The following KLHL4 variants were observed in gnomAD, a reference collection of about 807,000 sequenced individuals.
KLHL4 encodes the protein kelch like family member 4.
KLHL4 carries 17 observed loss-of-function variants against 45.8 expected under a neutral mutation model. The ratio of observed to expected loss-of-function variants is 0.37; its 90% CI spans 0.25 to 0.56. KLHL4 has a LOEUF of 0.56. KLHL4 is among the 20% of genes least tolerant of loss of function. The pLI is 0.79. For synonymous variants in KLHL4, 224 were observed against 189.9 expected (o/e 1.18, Z -1.47); for missense variants, 544 against 544.9 (o/e 1.00, Z 0.02).
chrX:87,596,895 T>A (rs1921858064), intron 1 of KLHL4, among the ~76,000 whole-genome samples: 1 of 112,272 alleles, frequency 8.9e-6, no homozygotes, highest in Non-Finnish European at 1.9e-5. Flanking sequence ...ATTTAATATA[T>A]GATTTATCAT....
chrX:87,633,895 G>T lies in KLHL4; in HGVS notation c.1696G>T (p.Val566Phe). The T allele has an allele frequency of 8.3e-7, 1 of 1,205,023 alleles. No individual in the cohort carries two copies. Among genetic ancestry groups the T allele is most frequent in the Non-Finnish European group, 1.1e-6 (1 of 892,661 alleles). ...AACTCCTAGAAGCACAGTTGGTGTT[G>T]TTGCATTAAACAACAAGTGAGTAAG... Reference protein sequence around the residue: ...MSTPRSTVGVVALNNKLYAIG... With the variant: ...MSTPRSTVGVFALNNKLYAIG... Residue 566 changes from valine to phenylalanine, a missense_variant, in exon 8 of 11, where the codon GTT becomes TTT. Physicochemically the swap from Val to Phe is conservative, Grantham distance 50. Coordinates refer to ENST00000373119, the MANE Select transcript of KLHL4 (RefSeq NM_019117.5).
At chrX:87,566,079 T>TTAAAGTAAAA (rs60360851) in intron 1 of KLHL4, among the ~76,000 whole-genome samples, 25,905 of 108,065 alleles carry the variant, frequency 0.24, 2,895 homozygotes, top group East Asian at 0.5. Flanking sequence ...ATCCCAGAAC[T>TTAAAGTAAAA]TAAAGTAAAA....
chrX:87,637,285 G>A (rs558020409), intron 9 of KLHL4, among the ~76,000 whole-genome samples: 2 of 111,728 alleles, frequency 1.8e-5, no homozygotes, highest in South Asian at 7.4e-4. Flanking sequence ...GGAAAGGGGA[G>A]AGCACCACAT....
intron 1 of KLHL4, among the ~76,000 whole-genome samples, chrX:87,555,380 T>G (rs1931946564): frequency 1.8e-5 from 2 of 111,324 alleles, no homozygotes; most frequent in South Asian, 7.6e-4. Context: ...CTATTGATTA[T>G]TGCCACAATT....
intron 9 of KLHL4, among the ~76,000 whole-genome samples, chrX:87,653,380 C>T (rs1602466591): frequency 8.9e-6 from 1 of 111,811 alleles, no homozygotes; most frequent in South Asian, 3.8e-4. Context: ...TGAAAAAAAG[C>T]TCAACATCAC....
At chrX:87,539,861 T>G (rs938547423) in intron 1 of KLHL4, among the ~76,000 whole-genome samples, 3 of 111,211 alleles carry the variant, frequency 2.7e-5, no homozygotes, top group Admixed American at 1.9e-4. Context: ...CACTTAACAA[T>G]GGGAATACAG....
chrX:87,549,226 A>G (rs939943110), intron 1 of KLHL4, among the ~76,000 whole-genome samples: 3 of 111,198 alleles, frequency 2.7e-5, no homozygotes, highest in Non-Finnish European at 3.8e-5. Flanking sequence ...ACATAATAGC[A>G]ACGTTAAATA....
In KLHL4 at chrX:87,580,550, C is replaced by CA. The variant is rs977340612; in HGVS notation, c.423-33319dup. ...TGATATGCTATACAGATAAGAACAA[C>CA]AAAAAAAATAGGGAGCTATACTTCC... On this transcript the variant is annotated intron_variant, in intron 1 of 10. Coordinates refer to ENST00000373119, the MANE Select transcript of KLHL4 (RefSeq NM_019117.5). 6.9e-4 allele frequency among the ~76,000 whole-genome samples: 75 copies of CA among 109,226 alleles called. 1 individual carries two copies. Among genetic ancestry groups the CA allele is most frequent in the African/African-American group, 2.4e-3 (72 of 30,116 alleles). The allele number at this position is 109,226 out of a possible 115,157, so 94.8% of individuals were successfully genotyped here.
intron 9 of KLHL4, among the ~76,000 whole-genome samples, chrX:87,658,315 TCTC>T (rs1423267664): frequency 1.8e-5 from 2 of 111,751 alleles, no homozygotes; most frequent in African/African-American, 3.3e-5. Flanking sequence ...AGATCACAAA[TCTC>T]AGTCTGGAGA....
intron 5 of KLHL4, among the ~76,000 whole-genome samples, chrX:87,622,799 G>T (rs1056709849): frequency 8.1e-5 from 9 of 110,591 alleles, no homozygotes; most frequent in African/African-American, 2.6e-4. Flanking sequence ...GAAGGAGTCA[G>T]GTACTGAATA....
At position 87,668,662 on chromosome X, in the gene KLHL4, G is replaced by T. The variant is rs1924460657; in HGVS notation, c.*2128G>T. On this transcript the variant is annotated 3_prime_UTR_variant, in exon 11 of 11. Transcript: ENST00000373119. ...GGATTAATCCATTCATGGATTAATGGATTATTATGAGTGGGGGACTGGTGA... is the reference window on the plus strand; with the variant it reads ...GGATTAATCCATTCATGGATTAATGTATTATTATGAGTGGGGGACTGGTGA... 1 of 144,554 alleles carries T rather than the reference G, an allele frequency of 6.9e-6. No individual in the cohort carries two copies. The allele number at this position is 144,554 out of a possible 1,213,427, so 11.9% of individuals were successfully genotyped here.
rs1160183395 is a variant in KLHL4 at position 87,666,626 on chromosome X, G to T, written c.*92G>T. 3 of 1,012,712 alleles carry T rather than the reference G, an allele frequency of 3.0e-6. No individual in the cohort carries two copies. The highest frequency in any genetic ancestry group is 3.8e-6 in the Non-Finnish European group (3 of 788,523). 83.5% of individuals were successfully genotyped at this position (1,012,712 alleles called of 1,213,427 possible). A position where few individuals can be genotyped will look rare whatever the true frequency, so the allele number is the denominator to read the frequency against. ...GAAAGAAATACATGTTCTTTTTCCTGCAATTAATAATCAGACTGGAAAATT... is the reference window on the plus strand; with the variant it reads ...GAAAGAAATACATGTTCTTTTTCCTTCAATTAATAATCAGACTGGAAAATT... On this transcript the variant is annotated 3_prime_UTR_variant, in exon 11 of 11. Transcript: ENST00000373119.
chrX:87,553,900 G>A (rs2369890), intron 1 of KLHL4, among the ~76,000 whole-genome samples: 26,447 of 108,144 alleles, frequency 0.24, 2,929 homozygotes, highest in East Asian at 0.5. Flanking sequence ...TTTGTATAAG[G>A]TGTAAGGAAG....
chrX:87,548,140 G>A (rs1178216200), intron 1 of KLHL4, among the ~76,000 whole-genome samples: 1 of 111,703 alleles, frequency 9.0e-6, no homozygotes, highest in African/African-American at 3.3e-5. Flanking sequence ...ATACAATGGA[G>A]CTCTGATATG....
chrX:87,549,546 G>A (rs1452982880), intron 1 of KLHL4, among the ~76,000 whole-genome samples: 1 of 111,422 alleles, frequency 9.0e-6, no homozygotes, highest in African/African-American at 3.2e-5. Context: ...TTCACGCATT[G>A]AAAATTTTAA....
intron 1 of KLHL4, among the ~76,000 whole-genome samples, chrX:87,547,593 C>T (rs759919840): frequency 1.4e-3 from 160 of 111,034 alleles, no homozygotes; most frequent in Non-Finnish European, 1.9e-3. Context: ...GAGGCTGAGG[C>T]GGGTGGATCA....
At chrX:87,541,669 T>G (rs1337203409) in intron 1 of KLHL4, among the ~76,000 whole-genome samples, 1 of 110,756 alleles carries the variant, frequency 9.0e-6, no homozygotes, top group Non-Finnish European at 1.9e-5. Flanking sequence ...GTTTATGAAT[T>G]ACCCAGTCTC....
rs1023890385 is a variant in KLHL4, at chrX:87,591,259, T to A, written c.423-22618T>A. ...ATTAGTGATGTTAAACATTTTTTCA[T>A]ATACGTGATTTGTCATTTGTATGTC... On this transcript the variant is annotated intron_variant, in intron 1 of 10. Transcript: ENST00000373119. Among the ~76,000 whole-genome samples, 4 of 112,181 alleles carry A rather than the reference T, an allele frequency of 3.6e-5. 1 individual carries two copies. In the Admixed American group the frequency reaches 3.8e-4, roughly 11 times the overall value.
At chrX:87,584,893 G>A (rs1921413748) in intron 1 of KLHL4, among the ~76,000 whole-genome samples, 1 of 105,681 alleles carries the variant, frequency 9.5e-6, no homozygotes, top group South Asian at 4.2e-4. Context: ...ACATCAAGTA[G>A]ATTTACCCCC....
Sources: gnomAD v4.1 joint callset for allele counts (sites outside exome capture counted in the v4.1 genomes callset) on GRCh38, gnomAD v4.1.1 for gene constraint, MANE v1.5 for transcripts, NCBI Gene and HGNC (gene_info 2026-07-23, HGNC 2026-07-21) for gene names.